CCL22: variants seen among roughly 807,000 people sequenced by gnomAD.
CCL22 encodes C-C motif chemokine 22.
In CCL22, 7 loss-of-function variants were observed where a neutral mutation model predicts 7.6. The ratio of observed to expected loss-of-function variants is 0.92; its 90% CI spans 0.52 to 1.72. The LOEUF is 1.72. Ranked by LOEUF, CCL22 falls within the 40% of genes most tolerant of loss-of-function variation. The probability of loss-of-function intolerance (pLI) is 0.00; values close to 1 mark genes in which losing one functional copy is unlikely to be tolerated. For missense variants in CCL22, 115 were observed against 124.7 expected (o/e 0.92, Z 0.37); for synonymous variants, 55 against 47.2 (o/e 1.17, Z -0.68).
chr16:57,361,081 G>A (rs185527476), intron 2 of CCL22, among the ~76,000 whole-genome samples: 93 of 152,164 alleles, frequency 6.1e-4, no homozygotes, highest in Non-Finnish European at 1.1e-3. Flanking sequence ...TCAACATGGT[G>A]AAACCCCATC....
chr16:57,364,709 C>G lies in CCL22; in HGVS notation c.*1121C>G, dbSNP rs2146500386. On this transcript the variant is annotated 3_prime_UTR_variant, in exon 3 of 3. Coordinates refer to ENST00000219235, the MANE Select transcript of CCL22 (RefSeq NM_002990.5). ...GGCCAGGCTGGTCTCGAACTCCTGT[C>G]CTCAGGTAATCCGCCCACCTCAGCC... 6.6e-6 allele frequency: 1 copy of G among 151,948 alleles called. No homozygotes were observed. The highest frequency in any genetic ancestry group is 2.4e-5 in the African/African-American group (1 of 41,422). 9.4% of individuals were successfully genotyped at this position (151,948 alleles called of 1,614,324 possible).
upstream of CCL22, chr16:57,358,701 C>T (rs1902015304): frequency 2.6e-6 from 2 of 761,204 alleles, no homozygotes; most frequent in East Asian, 2.5e-5. Flanking sequence ...TGACTCTGGG[C>T]ACCCCGGTGA....
intron 1 of CCL22, among the ~76,000 whole-genome samples, chr16:57,359,684 G>A (rs1482902643): frequency 6.6e-6 from 1 of 151,960 alleles, no homozygotes; most frequent in Non-Finnish European, 1.5e-5. Context: ...CCAGGCTGGA[G>A]TGCAGTGGCG....
chr16:57,364,062 T>G lies in CCL22; in HGVS notation c.*474T>G. 6.1e-6 allele frequency: 1 copy of G among 162,908 alleles called. No homozygotes were observed. The highest frequency in any genetic ancestry group is 1.4e-5 in the Non-Finnish European group (1 of 73,564). The allele number at this position is 162,908 out of a possible 1,614,324, so 10.1% of individuals were successfully genotyped here. On this transcript the variant is annotated 3_prime_UTR_variant, in exon 3 of 3. Transcript: ENST00000219235. The stretch of plus-strand genomic sequence containing the variant: ...CCCAGAAAGTCCCACCACCTGCACA[T>G]GTGTAGCCCCACCAGCCCTCCAAGG...
chr16:57,359,762 A>T (rs1185340888), intron 1 of CCL22, among the ~76,000 whole-genome samples: 1 of 152,030 alleles, frequency 6.6e-6, no homozygotes, highest in Non-Finnish European at 1.5e-5. Context: ...CCTCCTGAGT[A>T]GCTGGGATTA....
At chr16:57,359,292 GTTA>G (rs1305809091) in intron 1 of CCL22, among the ~76,000 whole-genome samples, 9 of 151,960 alleles carry the variant, frequency 5.9e-5, no homozygotes, top group African/African-American at 2.2e-4. Flanking sequence ...TTTTTAAAAT[GTTA>G]TTATTATTAT....
At position 57,363,764 on chromosome 16, in the gene CCL22, C is replaced by A. The variant is rs1055732358; in HGVS notation, c.*176C>A. ...TCCGTGCTGTCACTGCCATCTCCCCCCTGACCCCTCTAACCCATCCTCTGC... is the reference window on the plus strand; with the variant it reads ...TCCGTGCTGTCACTGCCATCTCCCCACTGACCCCTCTAACCCATCCTCTGC... On this transcript the variant is annotated 3_prime_UTR_variant, in exon 3 of 3. Transcript: ENST00000219235. 16 of 601,204 alleles carry A rather than the reference C, an allele frequency of 2.7e-5. No individual in the cohort carries two copies. The highest frequency in any genetic ancestry group is 3.9e-5 in the Non-Finnish European group (13 of 334,870). The allele number at this position is 601,204 out of a possible 1,614,324, so 37.2% of individuals were successfully genotyped here. A position where few individuals can be genotyped will look rare whatever the true frequency, so the allele number is the denominator to read the frequency against.
rs1056605535 is a variant in CCL22 at position 57,360,341 on chromosome 16, T to C, written c.74-96T>C. On this transcript the variant is annotated intron_variant, in intron 1 of 2. Coordinates refer to ENST00000219235, the MANE Select transcript of CCL22 (RefSeq NM_002990.5). ...CATGAGAACAGAAAAACTGCATCTC[T>C]TTCCTGGAGCCTGGAGAGGCCGAGA... The C allele has an allele frequency of 2.4e-5, 35 of 1,475,570 alleles. No homozygotes were observed. The African/African-American group carries it at 3.8e-4, about 16-fold the overall frequency. 91.4% of individuals were successfully genotyped at this position (1,475,570 alleles called of 1,614,324 possible).
upstream of CCL22, chr16:57,358,764 G>A (rs1225794158): frequency 5.1e-6 from 7 of 1,371,892 alleles, no homozygotes; most frequent in African/African-American, 5.7e-5. Context: ...TTAAATAGCA[G>A]GTCTTCCTAT....
intron 2 of CCL22, 132 bp from the exon 3 acceptor site, chr16:57,363,372 A>G (rs1902069661): frequency 3.2e-6 from 2 of 619,348 alleles, no homozygotes; most frequent in East Asian, 5.5e-5. Flanking sequence ...ATAATGTCAT[A>G]TGTAGTAGGT....
intron 2 of CCL22, among the ~76,000 whole-genome samples, chr16:57,361,695 C>T (rs1902051696): frequency 6.6e-6 from 1 of 152,216 alleles, no homozygotes; most frequent in African/African-American, 2.4e-5. Context: ...GCGGTAGCCT[C>T]TCTGGCTGCT....
At chr16:57,358,624 C>T, upstream of CCL22, 1 of 584,556 alleles carries the variant, frequency 1.7e-6, no homozygotes, top group South Asian at 1.9e-5. Context: ...TGGTTCCCCG[C>T]CAAAGAGAAT....
At chr16:57,358,272 A>G (rs1460262449), upstream of CCL22, among the ~76,000 whole-genome samples, 1 of 152,222 alleles carries the variant, frequency 6.6e-6, no homozygotes, top group African/African-American at 2.4e-5. Context: ...GACCTGGCCC[A>G]AATGTGGACT....
At chr16:57,357,950 G>A (rs1478301895), upstream of CCL22, among the ~76,000 whole-genome samples, 1 of 152,168 alleles carries the variant, frequency 6.6e-6, no homozygotes, top group Non-Finnish European at 1.5e-5. Context: ...GGGAGCCACG[G>A]CAGGGTTCTG....
At chr16:57,359,976 T>TG (rs2146496359) in intron 1 of CCL22, among the ~76,000 whole-genome samples, 1 of 152,350 alleles carries the variant, frequency 6.6e-6, no homozygotes, top group South Asian at 2.1e-4. Context: ...CATGGATTCC[T>TG]GACTCCTCTT....
At position 57,361,258 on chromosome 16, in the gene CCL22, C is replaced by CAAA. The variant is rs68168072; in HGVS notation, c.197+718_197+720dup. On this transcript the variant is annotated intron_variant, in intron 2 of 2. Coordinates refer to ENST00000219235, the MANE Select transcript of CCL22 (RefSeq NM_002990.5). ...TGGGCAACAGAGGGAGACTCTGTCT[C>CAAA]AAAAAAAAAAAAAAAAAAAAAATGC... is the stretch of plus-strand genomic sequence containing the variant. Among the ~76,000 whole-genome samples, 273 of 114,652 alleles carry CAAA rather than the reference C, an allele frequency of 2.4e-3. 1 individual carries two copies. Among genetic ancestry groups the CAAA allele is most frequent in the African/African-American group, 9.3e-3 (259 of 27,816 alleles). The allele number at this position is 114,652 out of a possible 152,430, so 75.2% of individuals were successfully genotyped here.
chr16:57,364,355 T>TC lies in CCL22; in HGVS notation c.*771dup, dbSNP rs1340250335. 6.6e-6 allele frequency: 1 copy of TC among 151,760 alleles called. No individual in the cohort carries two copies. Among genetic ancestry groups the TC allele is most frequent in the Non-Finnish European group, 1.5e-5 (1 of 68,018 alleles). The allele number at this position is 151,760 out of a possible 1,614,324, so 9.4% of individuals were successfully genotyped here. A position where few individuals can be genotyped will look rare whatever the true frequency, so the allele number is the denominator to read the frequency against. ...ACAAAATCAATAAAACTAATGTCCC[T>TC]CCCCTCTCCCTGCCAAAAGGCAGTT... On this transcript the variant is annotated 3_prime_UTR_variant, in exon 3 of 3. Coordinates refer to ENST00000219235, the MANE Select transcript of CCL22 (RefSeq NM_002990.5).
At position 57,363,411 on chromosome 16, in the gene CCL22, G is replaced by A. The variant is rs576262322; in HGVS notation, c.198-93G>A. ...TCATAAATGCTGAGCCCTGCATAAA[G>A]TAGGTGGCTCATAAATGCTAAGCTC... On this transcript the variant is annotated intron_variant, in intron 2 of 2. Coordinates refer to ENST00000219235, the MANE Select transcript of CCL22 (RefSeq NM_002990.5). The A allele has an allele frequency of 5.1e-5, 38 of 747,474 alleles. 1 individual carries two copies. The highest frequency in any genetic ancestry group is 4.9e-4 in the South Asian group (32 of 65,972). The allele number at this position is 747,474 out of a possible 1,614,324, so 46.3% of individuals were successfully genotyped here. A position where few individuals can be genotyped will look rare whatever the true frequency, so the allele number is the denominator to read the frequency against.
rs903070641 is a variant in CCL22 at position 57,363,801 on chromosome 16, C to T, written c.*213C>T. On this transcript the variant is annotated 3_prime_UTR_variant, in exon 3 of 3. Transcript: ENST00000219235. ...AACCCATCCTCTGCCTCCCTCCCTG[C>T]AGTCAGAGGGTCCTGTTCCCATCAG... is the stretch of plus-strand genomic sequence containing the variant. 2.3e-5 allele frequency: 13 copies of T among 559,492 alleles called. No homozygotes were observed. Among genetic ancestry groups the T allele is most frequent in the Non-Finnish European group, 3.9e-5 (12 of 310,220 alleles). 34.7% of individuals were successfully genotyped at this position (559,492 alleles called of 1,614,324 possible).
Sources: gnomAD v4.1 joint callset for allele counts (sites outside exome capture counted in the v4.1 genomes callset) on GRCh38, gnomAD v4.1.1 for gene constraint, MANE v1.5 for transcripts, NCBI Gene and HGNC (gene_info 2026-07-23, HGNC 2026-07-21) for gene names.